LAMC1: variants seen among roughly 807,000 people sequenced by gnomAD.
LAMC1 encodes the protein laminin subunit gamma 1, also known as laminin subunit gamma-1.
LAMC1 carries 38 observed loss-of-function variants against 173.6 expected under a neutral mutation model. The ratio of observed to expected loss-of-function variants is 0.22; its 90% CI spans 0.17 to 0.29. LAMC1 has a LOEUF of 0.29. Ranked by LOEUF, LAMC1 falls within the 10% of genes least tolerant of loss-of-function variation. LAMC1 has a pLI of 1.00. For missense variants in LAMC1, 1,824 were observed against 2,051.8 expected, an observed-to-expected ratio of 0.89 and a Z score of 2.14; for synonymous variants, 746 against 749.1, an observed-to-expected ratio of 1.00 and a Z score of 0.07.
intron 1 of LAMC1, among the ~76,000 whole-genome samples, chr1:183,077,776 G>GTGTGTGTGTGTATATATATATATA: frequency 0.017 from 1,929 of 116,486 alleles, 147 homozygotes; most frequent in Non-Finnish European, 0.028. Context: ...TGGCCATTGT[G>GTGTGTGTGTGTATATATATATATA]TATATATATA....
chr1:183,124,270 TATC>T (rs1050022822), intron 13 of LAMC1, among the ~76,000 whole-genome samples: 11 of 152,364 alleles, frequency 7.2e-5, no homozygotes, highest in African/African-American at 2.2e-4. Flanking sequence ...CCTCTTTTAA[TATC>T]ATCTGCCAAA....
At chr1:183,108,429 C>T (rs367955607) in intron 3 of LAMC1, 23 bp downstream of exon 3, 47 of 1,602,900 alleles carry the variant, frequency 2.9e-5, no homozygotes, top group Non-Finnish European at 4.0e-5. Context: ...TTAAATTAGT[C>T]TTGAAAGTGT....
chr1:183,097,274 T>C (rs1238363823), intron 1 of LAMC1, among the ~76,000 whole-genome samples: 1 of 152,242 alleles, frequency 6.6e-6, no homozygotes, highest in African/African-American at 2.4e-5. Flanking sequence ...CCATCTCTAA[T>C]TGACTTTGTG....
At chr1:183,084,977 G>A (rs941171382) in intron 1 of LAMC1, among the ~76,000 whole-genome samples, 1 of 152,188 alleles carries the variant, frequency 6.6e-6, no homozygotes, top group Non-Finnish European at 1.5e-5. Context: ...GCTCACGCCT[G>A]TAATCCCAGC....
intron 18 of LAMC1, 70 bp downstream of exon 18, chr1:183,128,820 G>GGTT (rs1656698105): frequency 1.1e-6 from 1 of 880,984 alleles, no homozygotes; most frequent in African/African-American, 1.8e-5. Flanking sequence ...CCTAAAGCAA[G>GGTT]GTTAGTATAG....
chr1:183,142,807 A>G lies in LAMC1; in HGVS notation c.*17A>G, dbSNP rs752190138. On this transcript the variant is annotated 3_prime_UTR_variant, in exon 28 of 28. Coordinates refer to ENST00000258341, the MANE Select transcript of LAMC1 (RefSeq NM_002293.4). ...AAGCCCTAGTGTCTTTAGGGCTGGA[A>G]GGCAGCATCCCTCTGACAGGGGGGC... The G allele has an allele frequency of 1.9e-6, 3 of 1,590,526 alleles. No homozygotes were observed. The South Asian group carries it at 3.5e-5, about 18-fold the overall frequency.
intron 1 of LAMC1, among the ~76,000 whole-genome samples, chr1:183,066,564 G>A (rs565704190): frequency 9.1e-4 from 138 of 152,318 alleles, no homozygotes; most frequent in African/African-American, 3.1e-3. Flanking sequence ...CCAAATGTCC[G>A]TCAGTGATAG....
intron 1 of LAMC1, among the ~76,000 whole-genome samples, chr1:183,081,547 CAAAAATAAATAAATAA>C (rs1655276534): frequency 7.7e-6 from 1 of 130,674 alleles, no homozygotes; most frequent in African/African-American, 2.8e-5. Context: ...GACTCCGCCT[CAAAAATAAATAAATAA>C]ATAAATAAAT....
In LAMC1 at chr1:183,131,287, T is replaced by C; in HGVS notation, c.3487-12T>C. 3 of 1,606,126 alleles carry C rather than the reference T, an allele frequency of 1.9e-6. No individual in the cohort carries two copies. Among genetic ancestry groups the C allele is most frequent in the Non-Finnish European group, 2.6e-6 (3 of 1,172,742 alleles). On this transcript the variant is annotated splice_polypyrimidine_tract_variant and intron_variant, in intron 19 of 27. Transcript: ENST00000258341. ...CAGTCCTTTGAGAATAAGTGCTTTA[T>C]TTCCTGTGCAGTCAGTCACTCAGCC... is the stretch of plus-strand genomic sequence containing the variant.
rs749289902 is a variant in LAMC1, at chr1:183,027,680, A to C, written c.418+3546A>C. Among the ~76,000 whole-genome samples, 10 of 152,360 alleles carry C rather than the reference A, an allele frequency of 6.6e-5. No homozygotes were observed. In the South Asian group the frequency reaches 1.2e-3, roughly 19 times the overall value. On this transcript the variant is annotated intron_variant, in intron 1 of 27. Coordinates refer to ENST00000258341, the MANE Select transcript of LAMC1 (RefSeq NM_002293.4). ...AAACTGTAGGAACCAATAGTGATTA[A>C]ATGAAGCTTTTAAATCTGCATCTGC...
rs78996086 is a variant in LAMC1 at position 183,077,133 on chromosome 1, G to T, written c.419-26195G>T. Among the ~76,000 whole-genome samples the T allele has an allele frequency of 9.2e-3, 1,395 of 152,234 alleles. 15 individuals carry two copies. The highest frequency in any genetic ancestry group is 0.032 in the African/African-American group (1,330 of 41,532). On this transcript the variant is annotated intron_variant, in intron 1 of 27. Coordinates refer to ENST00000258341, the MANE Select transcript of LAMC1 (RefSeq NM_002293.4). ...GAAAACAGAAGAAAGGACCTAAAAGGAAAACAATCTCAAACCCAACTTGCC... is the reference window on the plus strand; with the variant it reads ...GAAAACAGAAGAAAGGACCTAAAAGTAAAACAATCTCAAACCCAACTTGCC...
At chr1:183,032,159 A>G (rs1653864673) in intron 1 of LAMC1, among the ~76,000 whole-genome samples, 1 of 152,186 alleles carries the variant, frequency 6.6e-6, no homozygotes, top group Admixed American at 6.5e-5. Context: ...GTGCTCTTCT[A>G]GGGGCCAGCC....
At chr1:183,071,916 G>C (rs1190196784) in intron 1 of LAMC1, among the ~76,000 whole-genome samples, 1 of 152,198 alleles carries the variant, frequency 6.6e-6, no homozygotes, top group Non-Finnish European at 1.5e-5. Flanking sequence ...GAGGTTTGCA[G>C]ATGTCAACTT....
intron 1 of LAMC1, among the ~76,000 whole-genome samples, chr1:183,040,302 A>G (rs938538275): frequency 1.3e-5 from 2 of 152,230 alleles, no homozygotes; most frequent in African/African-American, 4.8e-5. Context: ...AATAATGGAC[A>G]CATGGGAGTT....
intron 1 of LAMC1, among the ~76,000 whole-genome samples, chr1:183,071,317 T>C (rs1655006612): frequency 6.6e-6 from 1 of 152,168 alleles, no homozygotes; most frequent in Admixed American, 6.5e-5. Context: ...TATTACCCTG[T>C]GGAGTTTCTC....
At chr1:183,108,245 C>T in intron 2 of LAMC1, 31 bp from the exon 3 acceptor site, 2 of 1,605,352 alleles carry the variant, frequency 1.2e-6, no homozygotes, top group Non-Finnish European at 1.7e-6. Context: ...CTCCACTTCT[C>T]TTTTATGTTT....
chr1:183,144,617 C>T lies in LAMC1; in HGVS notation c.*1827C>T, dbSNP rs541562397. The T allele has an allele frequency of 1.3e-5, 2 of 152,322 alleles. No homozygotes were observed. Among genetic ancestry groups the T allele is most frequent in the Admixed American group, 1.3e-4 (2 of 15,290 alleles). The allele number at this position is 152,322 out of a possible 1,614,324, so 9.4% of individuals were successfully genotyped here. On this transcript the variant is annotated 3_prime_UTR_variant, in exon 28 of 28. Transcript: ENST00000258341. ...GCAGCACGGTGGTTTTACAATGTTC[C>T]AGAGCAGGAACGCCAGGTTGACAAG... is the stretch of plus-strand genomic sequence containing the variant.
At chr1:183,031,948 A>G (rs1006354234) in intron 1 of LAMC1, among the ~76,000 whole-genome samples, 4 of 152,104 alleles carry the variant, frequency 2.6e-5, no homozygotes, top group African/African-American at 7.2e-5. Flanking sequence ...AAAAAAACAC[A>G]TATGTAAAAG....
Position 183,118,043 on chromosome 1 carries a change from A to C in LAMC1, c.1887A>C (p.Glu629Asp), listed in dbSNP as rs1366585934. ...TTVKYVFRLHEATDYPWRPAL... is the reference protein window; with the variant it reads ...TTVKYVFRLHDATDYPWRPAL... The stretch of plus-strand genomic sequence containing the variant: ...CTTTCTTTCTCTCCAGGCTCCATGA[A>C]GCAACAGATTACCCTTGGAGGCCTG... Residue 629 changes from glutamate to aspartate, a missense_variant, in exon 11 of 28, where the codon GAA (glutamate) becomes GAC (aspartate). Transcript: ENST00000258341. The C allele has an allele frequency of 1.9e-6, 3 of 1,607,188 alleles. No homozygotes were observed. Among genetic ancestry groups the C allele is most frequent in the Admixed American group, 3.3e-5 (2 of 59,840 alleles).
Sources: gnomAD v4.1 joint callset for allele counts (sites outside exome capture counted in the v4.1 genomes callset) on GRCh38, gnomAD v4.1.1 for gene constraint, MANE v1.5 for transcripts, NCBI Gene and HGNC (gene_info 2026-07-23, HGNC 2026-07-21) for gene names.